EXTL2: variants seen among roughly 807,000 people sequenced by gnomAD.
The protein encoded by EXTL2 is exostosin like glycosyltransferase 2.
A neutral mutation model predicts 30.7 loss-of-function variants in EXTL2; 23 were observed. The observed-to-expected ratio is 0.75, with a 90% CI of 0.54 to 1.06. The LOEUF is 1.06. Among genes scored for constraint, EXTL2 ranks in the 50% least tolerant of loss-of-function variants. The probability of loss-of-function intolerance (pLI) is 0.00; values close to 1 mark genes in which losing one functional copy is unlikely to be tolerated. For missense variants in EXTL2, 352 were observed against 396.3 expected (o/e 0.89, Z 0.95); for synonymous variants, 123 against 133.8 (o/e 0.92, Z 0.56).
At chr1:100,889,854 G>C (rs1303938888) in intron 1 of EXTL2, among the ~76,000 whole-genome samples, 1 of 152,184 alleles carries the variant, frequency 6.6e-6, no homozygotes, top group Non-Finnish European at 1.5e-5. Flanking sequence ...TCCCCCTCCT[G>C]GCTGCTTTCA....
intron 2 of EXTL2, chr1:100,885,521 G>A (rs949602585): frequency 2.6e-5 from 4 of 152,188 alleles, no homozygotes; most frequent in Admixed American, 2.0e-4. Flanking sequence ...CATGACAATT[G>A]GCAGAAAGAG....
chr1:100,885,537 T>C (rs1047023796), intron 2 of EXTL2: 2 of 152,204 alleles, frequency 1.3e-5, no homozygotes, highest in Non-Finnish European at 2.9e-5. Flanking sequence ...AAGAGAAAAC[T>C]AAGTCAGAAC....
At chr1:100,881,038 T>C in intron 2 of EXTL2, 1 of 984,396 alleles carries the variant, frequency 1.0e-6, no homozygotes, top group Non-Finnish European at 1.2e-6. Flanking sequence ...TAGCTCCTAA[T>C]CCCCCAATTT....
chr1:100,888,847 G>T lies in EXTL2; in HGVS notation c.-71-19C>A, dbSNP rs373536267. On this transcript the variant is annotated intron_variant, in intron 1 of 4. Transcript: ENST00000370114. ...CTTGTCACTATTAAGATAAATCAAA[G>T]AATTTTCTGTGATGTTTCTGTCAGT... 161 of 951,180 alleles carry T rather than the reference G, an allele frequency of 1.7e-4. No homozygotes were observed. The highest frequency in any genetic ancestry group is 2.3e-4 in the Non-Finnish European group (151 of 659,508). 58.9% of individuals were successfully genotyped at this position (951,180 alleles called of 1,614,324 possible). A position where few individuals can be genotyped will look rare whatever the true frequency, so the allele number is the denominator to read the frequency against.
At chr1:100,881,992 C>CAAACCCTATTGTGA (rs1649597736) in intron 2 of EXTL2, among the ~76,000 whole-genome samples, 3 of 152,220 alleles carry the variant, frequency 2.0e-5, no homozygotes, top group Non-Finnish European at 4.4e-5. Context: ...CACAAGCGTG[C>CAAACCCTATTGTGA]AAACCCTATT....
At chr1:100,889,027 G>C (rs1403679055) in intron 1 of EXTL2, among the ~76,000 whole-genome samples, 199 bp from the exon 2 acceptor site, 1 of 152,172 alleles carries the variant, frequency 6.6e-6, no homozygotes, top group East Asian at 1.9e-4. Flanking sequence ...AGTGAGGTTG[G>C]TGCTATATTT....
chr1:100,875,975 A>C (rs1649080832), intron 4 of EXTL2, among the ~76,000 whole-genome samples: 1 of 152,120 alleles, frequency 6.6e-6, no homozygotes, highest in African/African-American at 2.4e-5. Context: ...ACTAGGCATG[A>C]AATTAAAAAC....
At position 100,873,724 on chromosome 1, in the gene EXTL2, A is replaced by G. The variant is rs1377555186; in HGVS notation, c.*218T>C. 2.2e-6 allele frequency: 1 copy of G among 453,518 alleles called. No homozygotes were observed. The highest frequency in any genetic ancestry group is 3.9e-6 in the Non-Finnish European group (1 of 258,960). The allele number at this position is 453,518 out of a possible 1,614,324, so 28.1% of individuals were successfully genotyped here. A position where few individuals can be genotyped will look rare whatever the true frequency, so the allele number is the denominator to read the frequency against. ...ACTGACCAAGGAGTTATATCCCTGG[A>G]TGAAAACTCTTCATAAGAAGACCTA... is the stretch of plus-strand genomic sequence containing the variant. On this transcript the variant is annotated 3_prime_UTR_variant, in exon 5 of 5. Coordinates refer to ENST00000370114, the MANE Select transcript of EXTL2 (RefSeq NM_001033025.3).
At chr1:100,884,097 G>A (rs1220307840) in intron 2 of EXTL2, among the ~76,000 whole-genome samples, 1 of 152,134 alleles carries the variant, frequency 6.6e-6, no homozygotes, top group Non-Finnish European at 1.5e-5. Flanking sequence ...GAGAGAAGCT[G>A]AAAACAAACA....
Position 100,877,355 on chromosome 1 carries a change from C to G in EXTL2, c.433+121G>C. 1.1e-6 allele frequency: 1 copy of G among 893,316 alleles called. No individual in the cohort carries two copies. The highest frequency in any genetic ancestry group is 1.7e-6 in the Non-Finnish European group (1 of 606,036). The allele number at this position is 893,316 out of a possible 1,614,324, so 55.3% of individuals were successfully genotyped here. ...TCCCTCAAGCTTTCCAAAGTGCTTT[C>G]TTAGGACTAACTTCCTTCATTTTTC... On this transcript the variant is annotated intron_variant, in intron 3 of 4. Coordinates refer to ENST00000370114, the MANE Select transcript of EXTL2 (RefSeq NM_001033025.3). The surrounding 1 kb of genome is among the most constrained non-coding windows in gnomAD (Gnocchi z 4.1).
At chr1:100,876,061 A>G (rs1649090571) in intron 4 of EXTL2, among the ~76,000 whole-genome samples, 1 of 152,106 alleles carries the variant, frequency 6.6e-6, no homozygotes, top group South Asian at 2.1e-4. Context: ...TTATATCCCA[A>G]GAAGCTAATT....
At chr1:100,875,854 G>C (rs1162206968) in intron 4 of EXTL2, among the ~76,000 whole-genome samples, 2 of 151,962 alleles carry the variant, frequency 1.3e-5, no homozygotes, top group African/African-American at 4.8e-5. Flanking sequence ...AAATCTCACA[G>C]TTGAATTATC....
At chr1:100,894,096 T>C (rs1650645598) in intron 1 of EXTL2, among the ~76,000 whole-genome samples, 1 of 152,208 alleles carries the variant, frequency 6.6e-6, no homozygotes, top group South Asian at 2.1e-4. Context: ...CAGCTGACCT[T>C]GATGAGTTAG....
At position 100,877,683 on chromosome 1, in the gene EXTL2, TTC is replaced by T; in HGVS notation, c.224_225del (p.Arg75AsnfsTer34). 1.2e-6 allele frequency: 2 copies of T among 1,613,618 alleles called. No individual in the cohort carries two copies. The highest frequency in any genetic ancestry group is 1.7e-4 in the Middle Eastern group (1 of 6,056). ...SFTLIMQTYNRTDLLLKLLNH... is the reference protein window; with the variant it reads ...SFTLIMQTYNXTDLLLKLLNH... Reference sequence around the variant, plus strand: ...TTTAAAAGTTTCAATAAGAGATCTGTTCTGTTGTACGTCTGCATTATGAGAGT... The same window carrying T: ...TTTAAAAGTTTCAATAAGAGATCTGTTGTTGTACGTCTGCATTATGAGAGT... On this transcript the variant is annotated frameshift_variant, in exon 3 of 5. Coordinates refer to ENST00000370114, the MANE Select transcript of EXTL2 (RefSeq NM_001033025.3). LOFTEE classifies it high-confidence loss of function. The surrounding 1 kb of genome is among the most constrained non-coding windows in gnomAD (Gnocchi z 4.1).
intron 2 of EXTL2, among the ~76,000 whole-genome samples, chr1:100,881,315 T>A (rs1649535861): frequency 6.6e-6 from 1 of 152,214 alleles, no homozygotes; most frequent in Non-Finnish European, 1.5e-5. Context: ...GATGACTTTA[T>A]GGCTAGAAGG....
intron 1 of EXTL2, among the ~76,000 whole-genome samples, chr1:100,892,380 T>C (rs559584452): frequency 1.3e-5 from 2 of 152,198 alleles, no homozygotes; most frequent in Non-Finnish European, 2.9e-5. Flanking sequence ...CCAAGTTCTT[T>C]GACTGTTAGA....
At chr1:100,878,171 C>A (rs1166601459) in intron 2 of EXTL2, among the ~76,000 whole-genome samples, 1 of 152,016 alleles carries the variant, frequency 6.6e-6, no homozygotes, top group Non-Finnish European at 1.5e-5. Flanking sequence ...TAAAAATTTG[C>A]CATCATTTTA....
intron 1 of EXTL2, among the ~76,000 whole-genome samples, chr1:100,892,051 A>T (rs934780207): frequency 6.6e-6 from 1 of 152,190 alleles, no homozygotes; most frequent in African/African-American, 2.4e-5. Context: ...AGAAATGTGT[A>T]TGGGTTCAAG....
chr1:100,888,071 A>G (rs963721156), intron 2 of EXTL2, among the ~76,000 whole-genome samples: 4 of 152,202 alleles, frequency 2.6e-5, no homozygotes, highest in African/African-American at 9.6e-5. Context: ...AGAATATTCA[A>G]CTCTATACAT....
Sources: gnomAD v4.1 joint callset for allele counts (sites outside exome capture counted in the v4.1 genomes callset) on GRCh38, gnomAD v4.1.1 for gene constraint, Gnocchi (gnomAD v3.1) non-coding constraint, MANE v1.5 for transcripts, NCBI Gene and HGNC (gene_info 2026-07-23, HGNC 2026-07-21) for gene names.